The following SCTR variants were observed in gnomAD, a reference collection of about 807,000 sequenced individuals.
SCTR encodes the protein secretin receptor.
In SCTR, 56 loss-of-function variants were observed where a neutral mutation model predicts 60.8. The observed-to-expected ratio is 0.92, with a 90% confidence interval of 0.74 to 1.15. The LOEUF (loss-of-function observed/expected upper bound fraction) is 1.15. Ranked by LOEUF, SCTR falls within the 50% of genes most tolerant of loss-of-function variation. The pLI, the probability that SCTR is intolerant of heterozygous loss-of-function variation, is 0.00. For synonymous variants in SCTR, 202 were observed against 217.0 expected (o/e 0.93, Z 0.61); for missense variants, 562 against 550.4 (o/e 1.02, Z -0.21).
At chr2:119,489,110 G>A (rs905018669) in intron 2 of SCTR, among the ~76,000 whole-genome samples, 1 of 152,128 alleles carries the variant, frequency 6.6e-6, no homozygotes, top group East Asian at 1.9e-4. Flanking sequence ...GCCTGAGTGG[G>A]GCAGGCAGAG....
chr2:119,504,382 C>T (rs958542728), intron 1 of SCTR, among the ~76,000 whole-genome samples: 1 of 152,032 alleles, frequency 6.6e-6, no homozygotes, highest in East Asian at 1.9e-4. Context: ...CACCTGGGAT[C>T]GGGAGTTCGA....
At chr2:119,459,493 G>GC in intron 7 of SCTR, among the ~76,000 whole-genome samples, 1 of 151,944 alleles carries the variant, frequency 6.6e-6, no homozygotes, top group Non-Finnish European at 1.5e-5. Context: ...GATGAAATCA[G>GC]TATAATTTCA....
rs557087567 is a variant in SCTR, at chr2:119,439,921, G to A, written c.*196C>T. On this transcript the variant is annotated 3_prime_UTR_variant, in exon 13 of 13. Transcript: ENST00000019103. ...AACTTCTCTTCCCAGAAGAGCAAAC[G>A]AACCAAATCCCAGGCCCTTGTCCTG... 47 of 565,684 alleles carry A rather than the reference G, an allele frequency of 8.3e-5. 2 individuals carry two copies. The highest frequency in any genetic ancestry group is 6.0e-4 in the South Asian group (22 of 36,734). The allele number at this position is 565,684 out of a possible 1,614,324, so 35.0% of individuals were successfully genotyped here. A position where few individuals can be genotyped will look rare whatever the true frequency, so the allele number is the denominator to read the frequency against.
intron 1 of SCTR, among the ~76,000 whole-genome samples, chr2:119,499,307 G>A (rs1678454029): frequency 6.6e-6 from 1 of 151,912 alleles, no homozygotes; most frequent in Non-Finnish European, 1.5e-5. Flanking sequence ...TCTTAACAAT[G>A]GATAGAATAA....
At chr2:119,507,830 C>T (rs1454836177) in intron 1 of SCTR, among the ~76,000 whole-genome samples, 1 of 151,916 alleles carries the variant, frequency 6.6e-6, no homozygotes, top group Non-Finnish European at 1.5e-5. Context: ...AGGCACCAGC[C>T]ACCACGCCCA....
chr2:119,514,853 G>C (rs1304872677), intron 1 of SCTR, among the ~76,000 whole-genome samples: 1 of 152,054 alleles, frequency 6.6e-6, no homozygotes, highest in African/African-American at 2.4e-5. Context: ...ACTCCAGCCT[G>C]GCAACAGAGC....
chr2:119,453,205 T>A, intron 8 of SCTR, 82 bp downstream of exon 8: 1 of 1,096,154 alleles, frequency 9.1e-7, no homozygotes, highest in Non-Finnish European at 1.4e-6. Flanking sequence ...CTTTCCTAGA[T>A]AGCTCCAAAG....
intron 4 of SCTR, among the ~76,000 whole-genome samples, chr2:119,466,779 A>G (rs1683852358): frequency 6.6e-6 from 1 of 152,010 alleles, no homozygotes; most frequent in African/African-American, 2.4e-5. Flanking sequence ...ATACATACAT[A>G]CATACATACA....
intron 5 of SCTR, 29 bp downstream of exon 5, chr2:119,465,760 G>C (rs1371618145): frequency 6.8e-7 from 1 of 1,463,576 alleles, no homozygotes; most frequent in South Asian, 1.1e-5. Flanking sequence ...GGAGGGCTGG[G>C]GTATGGAGAG....
At chr2:119,474,599 C>A (rs1257930146) in intron 3 of SCTR, among the ~76,000 whole-genome samples, 1 of 152,172 alleles carries the variant, frequency 6.6e-6, no homozygotes, top group Non-Finnish European at 1.5e-5. Flanking sequence ...CTCACTGGAG[C>A]CTTAACAGCC....
At chr2:119,463,415 T>C (rs1683696906) in intron 6 of SCTR, among the ~76,000 whole-genome samples, 1 of 152,316 alleles carries the variant, frequency 6.6e-6, no homozygotes, top group South Asian at 2.1e-4. Flanking sequence ...AGCAGTCATA[T>C]TGCAACCATG....
rs774483107 is a variant in SCTR at position 119,441,523 on chromosome 2, T to C, written c.1182+35A>G. The C allele has an allele frequency of 5.7e-6, 9 of 1,575,212 alleles. No individual in the cohort carries two copies. In the East Asian group the frequency reaches 2.0e-4, roughly 35 times the overall value. On this transcript the variant is annotated intron_variant, in intron 12 of 12. Transcript: ENST00000019103. Reference sequence around the variant, plus strand: ...GACCCGGAAACCAATGGCTAGGAGCTCTCCTGGGTACCTGGGTGACCCAAG... The same window carrying C: ...GACCCGGAAACCAATGGCTAGGAGCCCTCCTGGGTACCTGGGTGACCCAAG...
At chr2:119,485,304 G>C (rs1368329247) in intron 2 of SCTR, among the ~76,000 whole-genome samples, 1 of 152,226 alleles carries the variant, frequency 6.6e-6, no homozygotes, top group Non-Finnish European at 1.5e-5. Flanking sequence ...TGGAGCCCCT[G>C]GCCCTGGGCC....
intron 1 of SCTR, among the ~76,000 whole-genome samples, chr2:119,513,706 CT>C (rs1231592291): frequency 6.6e-6 from 1 of 152,104 alleles, no homozygotes; most frequent in African/African-American, 2.4e-5. Context: ...ATTCACAGGC[CT>C]TCACCTCATT....
At chr2:119,482,393 C>T (rs1026622114) in intron 2 of SCTR, among the ~76,000 whole-genome samples, 1 of 152,136 alleles carries the variant, frequency 6.6e-6, no homozygotes, top group African/African-American at 2.4e-5. Context: ...CGGGGCAGTC[C>T]CAGGAGCCAC....
At chr2:119,460,171 T>G (rs967691974) in intron 7 of SCTR, among the ~76,000 whole-genome samples, 1 of 151,504 alleles carries the variant, frequency 6.6e-6, no homozygotes, top group Non-Finnish European at 1.5e-5. Context: ...ACAGGGCCCT[T>G]GTAAATAAGG....
intron 9 of SCTR, among the ~76,000 whole-genome samples, chr2:119,450,547 A>AC (rs1375269721): frequency 2.0e-5 from 3 of 152,306 alleles, no homozygotes; most frequent in East Asian, 3.9e-4. Context: ...AAAACAAAAA[A>AC]AAAACCTAAT....
intron 5 of SCTR, among the ~76,000 whole-genome samples, chr2:119,464,769 T>C (rs1444066325): frequency 3.9e-5 from 6 of 152,088 alleles, no homozygotes; most frequent in African/African-American, 1.4e-4. Context: ...GGGGCAACAT[T>C]GTATTCTGCC....
intron 1 of SCTR, among the ~76,000 whole-genome samples, chr2:119,517,670 C>G (rs1036490211): frequency 6.6e-6 from 1 of 152,062 alleles, no homozygotes; most frequent in Non-Finnish European, 1.5e-5. Context: ...ACTGCCTGGG[C>G]TGGATAGACT....
Sources: allele counts gnomAD v4.1 joint callset (sites outside exome capture counted in the v4.1 genomes callset), GRCh38; gene constraint gnomAD v4.1.1; transcripts MANE v1.5; gene names NCBI Gene and HGNC (gene_info 2026-07-23, HGNC 2026-07-21).